ZNF746: variants seen among roughly 807,000 people sequenced by gnomAD.
The protein encoded by ZNF746 is parkin-interacting substrate.
In ZNF746, 13 loss-of-function variants were observed where a neutral mutation model predicts 41.0. That is an observed-to-expected ratio of 0.32 (90% CI 0.21 to 0.50). ZNF746 has a LOEUF of 0.50. ZNF746 is among the 20% of genes least tolerant of loss of function. The pLI is 0.98. For synonymous variants in ZNF746, 424 were observed against 396.2 expected (o/e 1.07, Z -0.83); for missense variants, 811 against 922.9 (o/e 0.88, Z 1.57).
chr7:149,481,317 T>C (rs1329009209), intron 4 of ZNF746, among the ~76,000 whole-genome samples: 2 of 152,264 alleles, frequency 1.3e-5, no homozygotes, highest in Admixed American at 6.5e-5. Flanking sequence ...CTTGTATAAA[T>C]TGGTGTAGTA....
chr7:149,496,004 T>G (rs1308422500), intron 1 of ZNF746, among the ~76,000 whole-genome samples: 4 of 152,122 alleles, frequency 2.6e-5, no homozygotes, highest in African/African-American at 9.7e-5. Context: ...CTAAGGCCAC[T>G]GTTCCTTCCC....
chr7:149,474,833 CGCCGCCGCCACT>C lies in ZNF746; in HGVS notation c.1522_1533del (p.Ser508_Gly511del), dbSNP rs747780885. ...GCGCTGCCCCCACCGCTGCCGCCAC[CGCCGCCGCCACT>C]GCCGCTGCCGCCACCGCCTGTGCCC... On this transcript the variant is annotated inframe_deletion, in exon 7 of 7. Transcript: ENST00000458143. This position sits in a 1 kb window ranked among gnomAD's most constrained non-coding sequence, Gnocchi z 6.3. 992 of 1,409,200 alleles carry C rather than the reference CGCCGCCGCCACT, an allele frequency of 7.0e-4. 1 individual carries two copies. Among genetic ancestry groups the C allele is most frequent in the Non-Finnish European group, 8.4e-4 (913 of 1,087,564 alleles). 87.3% of individuals were successfully genotyped at this position (1,409,200 alleles called of 1,614,324 possible).
At chr7:149,492,024 G>C in intron 4 of ZNF746, 1 of 702,196 alleles carries the variant, frequency 1.4e-6, no homozygotes, top group Non-Finnish European at 2.6e-6. Context: ...GACCAATGTA[G>C]ACCAAAGTAG....
At position 149,497,215 on chromosome 7, in the gene ZNF746, A is replaced by C; in HGVS notation, c.24+298T>G. The C allele has an allele frequency of 8.1e-6, 8 of 983,364 alleles. No individual in the cohort carries two copies. Among genetic ancestry groups the C allele is most frequent in the Non-Finnish European group, 9.7e-6 (8 of 828,382 alleles). The allele number at this position is 983,364 out of a possible 1,614,324, so 60.9% of individuals were successfully genotyped here. On this transcript the variant is annotated intron_variant, in intron 1 of 6. Transcript: ENST00000458143. This position sits in a 1 kb window ranked among gnomAD's most constrained non-coding sequence, Gnocchi z 4.2. ...CGCGGGTGGGGGGGCACCCAGAAGG[A>C]GGGGACAGCGGCTGGGGCGGGGGCA...
At position 149,497,674 on chromosome 7, in the gene ZNF746, C is replaced by A; in HGVS notation, c.-138G>T. 2 of 624,080 alleles carry A rather than the reference C, an allele frequency of 3.2e-6. No individual in the cohort carries two copies. Among genetic ancestry groups the A allele is most frequent in the South Asian group, 1.3e-4 (2 of 14,898 alleles). The allele number at this position is 624,080 out of a possible 1,614,324, so 38.7% of individuals were successfully genotyped here. On this transcript the variant is annotated 5_prime_UTR_variant, in exon 1 of 7. Coordinates refer to ENST00000458143, the MANE Select transcript of ZNF746 (RefSeq NM_001394198.1). The surrounding 1 kb of genome is among the most constrained non-coding windows in gnomAD (Gnocchi z 4.2). ...TTCCTCTGCCGCCGCTCCTCGCTGGCTGCCCCTGCGCCGCGCCGCCCGCAG... is the reference window on the plus strand; with the variant it reads ...TTCCTCTGCCGCCGCTCCTCGCTGGATGCCCCTGCGCCGCGCCGCCCGCAG...
In ZNF746 at chr7:149,497,210, G is replaced by A. The variant is rs1801032895; in HGVS notation, c.24+303C>T. ...GGAGCCGCGGGTGGGGGGGCACCCA[G>A]AAGGAGGGGACAGCGGCTGGGGCGG... On this transcript the variant is annotated intron_variant, in intron 1 of 6. Transcript: ENST00000458143. This position sits in a 1 kb window ranked among gnomAD's most constrained non-coding sequence, Gnocchi z 4.2. 6 of 984,302 alleles carry A rather than the reference G, an allele frequency of 6.1e-6. No homozygotes were observed. The highest frequency in any genetic ancestry group is 7.2e-6 in the Non-Finnish European group (6 of 829,054). 61.0% of individuals were successfully genotyped at this position (984,302 alleles called of 1,614,324 possible). A position where few individuals can be genotyped will look rare whatever the true frequency, so the allele number is the denominator to read the frequency against.
chr7:149,489,476 G>C (rs756734627), intron 4 of ZNF746: 2 of 152,236 alleles, frequency 1.3e-5, no homozygotes, highest in East Asian at 3.9e-4. Flanking sequence ...GTCTAACACG[G>C]AAGACCCAAA....
Position 149,475,038 on chromosome 7 carries a change from G to A in ZNF746, c.1329C>T (p.Tyr443=). The A allele has an allele frequency of 1.9e-6, 3 of 1,567,048 alleles. No individual in the cohort carries two copies. Among genetic ancestry groups the A allele is most frequent in the Non-Finnish European group, 2.6e-6 (3 of 1,156,136 alleles). ...APRPFNEPCK[Y]PGRTKGFGHK... Reference sequence around the variant, plus strand: ...GGCCAAAGCCTTTGGTCCGGCCAGGGTATTTACAGGGTTCGTTGAATGGCC... The same window carrying A: ...GGCCAAAGCCTTTGGTCCGGCCAGGATATTTACAGGGTTCGTTGAATGGCC... Residue 443 remains tyrosine, a synonymous_variant, in exon 7 of 7, where the codon TAC becomes TAT. Coordinates refer to ENST00000458143, the MANE Select transcript of ZNF746 (RefSeq NM_001394198.1).
intron 6 of ZNF746, among the ~76,000 whole-genome samples, chr7:149,475,954 A>T (rs1322386530): frequency 6.6e-6 from 1 of 152,216 alleles, no homozygotes; most frequent in Non-Finnish European, 1.5e-5. Context: ...CACCTTAGTG[A>T]GCTATTTGAC....
Position 149,497,407 on chromosome 7 carries a change from G to A in ZNF746, c.24+106C>T, listed in dbSNP as rs886202921. On this transcript the variant is annotated intron_variant, in intron 1 of 6. Transcript: ENST00000458143. This position sits in a 1 kb window ranked among gnomAD's most constrained non-coding sequence, Gnocchi z 4.2. ...CGGGAGCCCCAGGCCCGGTGGTCCG[G>A]CCCGGACCCCGGAACCCCTCCCCAG... 1.5e-3 allele frequency: 1,513 copies of A among 1,016,126 alleles called. 2 individuals carry two copies. The highest frequency in any genetic ancestry group is 1.7e-3 in the Non-Finnish European group (1,456 of 846,388). 62.9% of individuals were successfully genotyped at this position (1,016,126 alleles called of 1,614,324 possible).
At chr7:149,490,482 GGTGT>G (rs1480275768) in intron 4 of ZNF746, 1 of 152,534 alleles carries the variant, frequency 6.6e-6, no homozygotes, top group Non-Finnish European at 1.5e-5. Context: ...GAGTGCTGAG[GGTGT>G]GTGTAAGGGG....
At chr7:149,491,525 C>T (rs566457114) in intron 4 of ZNF746, 17 of 272,606 alleles carry the variant, frequency 6.2e-5, no homozygotes, top group African/African-American at 3.4e-4. Flanking sequence ...GTGTTCAGCA[C>T]TGTCCTTGAC....
intron 4 of ZNF746, 99 bp downstream of exon 4, chr7:149,492,759 CT>C: frequency 1.2e-6 from 1 of 843,586 alleles, no homozygotes. Flanking sequence ...TTTCATGTTT[CT>C]CCTCGACTCT....
intron 4 of ZNF746, 158 bp from the exon 5 acceptor site, chr7:149,477,913 T>C: frequency 3.5e-6 from 2 of 576,618 alleles, no homozygotes; most frequent in Non-Finnish European, 5.9e-6. Flanking sequence ...GATGGGAGCC[T>C]AGGGCAGAGC....
Position 149,474,977 on chromosome 7 carries a change from G to C in ZNF746, c.1390C>G (p.Pro464Ala), listed in dbSNP as rs754808463. ...PGLKKHPAAP[P>A]GGRPFTCATC... ...GCGCAGGTGAAGGGCCGGCCCCCGG[G>C]GGGCGCCGCGGGGTGCTTCTTCAGC... is the stretch of plus-strand genomic sequence containing the variant. Residue 464 changes from proline to alanine, a missense_variant, in exon 7 of 7, where the codon CCC becomes GCC. Pro to Ala is a conservative substitution (Grantham distance 27, BLOSUM62 -1). Around this residue, in one of 4 missense-constraint regions of ZNF746, gnomAD observed 495 missense variants for 481.6 expected, o/e 1.03. Transcript: ENST00000458143. The surrounding 1 kb of genome is among the most constrained non-coding windows in gnomAD (Gnocchi z 6.3). 3.9e-6 allele frequency: 6 copies of C among 1,547,782 alleles called. No individual in the cohort carries two copies. The highest frequency in any genetic ancestry group is 5.2e-6 in the Non-Finnish European group (6 of 1,146,346).
chr7:149,497,234 G>T lies in ZNF746; in HGVS notation c.24+279C>A. 4 of 981,452 alleles carry T rather than the reference G, an allele frequency of 4.1e-6. No homozygotes were observed. Among genetic ancestry groups the T allele is most frequent in the Non-Finnish European group, 4.8e-6 (4 of 826,282 alleles). 60.8% of individuals were successfully genotyped at this position (981,452 alleles called of 1,614,324 possible). A position where few individuals can be genotyped will look rare whatever the true frequency, so the allele number is the denominator to read the frequency against. Reference sequence around the variant, plus strand: ...AGAAGGAGGGGACAGCGGCTGGGGCGGGGGCAGGAAGCCCCGGAGGGCCCA... The same window carrying T: ...AGAAGGAGGGGACAGCGGCTGGGGCTGGGGCAGGAAGCCCCGGAGGGCCCA... On this transcript the variant is annotated intron_variant, in intron 1 of 6. Transcript: ENST00000458143. The surrounding 1 kb of genome is among the most constrained non-coding windows in gnomAD (Gnocchi z 4.2).
In ZNF746 at chr7:149,494,084, T is replaced by C. The variant is rs770831278; in HGVS notation, c.356A>G (p.Tyr119Cys). ...VPVTFDDVAVYFSEQEWGKLE... is the reference protein window; with the variant it reads ...VPVTFDDVAVCFSEQEWGKLE... ...CTTGCCCCACTCCTGCTCGGAGAAA[T>C]ACACGGCCACATCATCAAAGGTCAC... Residue 119 changes from tyrosine to cysteine, a missense_variant, in exon 3 of 7, where the codon TAT becomes TGT. Around this residue, in one of 4 missense-constraint regions of ZNF746, gnomAD observed 147 missense variants for 233.4 expected, o/e 0.63. Coordinates refer to ENST00000458143, the MANE Select transcript of ZNF746 (RefSeq NM_001394198.1). The surrounding 1 kb of genome is among the most constrained non-coding windows in gnomAD (Gnocchi z 5.6). 2.6e-5 allele frequency: 42 copies of C among 1,614,066 alleles called. No homozygotes were observed. The Middle Eastern group carries it at 1.8e-3, about 70-fold the overall frequency.
At chr7:149,495,439 C>T (rs925364942) in intron 1 of ZNF746, among the ~76,000 whole-genome samples, 2 of 152,144 alleles carry the variant, frequency 1.3e-5, no homozygotes, top group African/African-American at 4.8e-5. Flanking sequence ...TGGAAATGTT[C>T]ACATGGCGTA....
In ZNF746 at chr7:149,474,108, G is replaced by T. The variant is rs934044877; in HGVS notation, c.*276C>A. 4 of 479,632 alleles carry T rather than the reference G, an allele frequency of 8.3e-6. No individual in the cohort carries two copies. Among genetic ancestry groups the T allele is most frequent in the Non-Finnish European group, 1.5e-5 (4 of 267,496 alleles). The allele number at this position is 479,632 out of a possible 1,614,324, so 29.7% of individuals were successfully genotyped here. ...TACTATTTTCCAGCTTTTTCCTCAA[G>T]AATTAAAAAAAAACAAAAAACAAAA... On this transcript the variant is annotated 3_prime_UTR_variant, in exon 7 of 7. Transcript: ENST00000458143. The surrounding 1 kb of genome is among the most constrained non-coding windows in gnomAD (Gnocchi z 6.3).
Sources: allele counts gnomAD v4.1 joint callset (sites outside exome capture counted in the v4.1 genomes callset), GRCh38; gene constraint gnomAD v4.1.1; regional missense constraint gnomAD v4.1.1; non-coding constraint Gnocchi (gnomAD v3.1); transcripts MANE v1.5; gene names NCBI Gene and HGNC (gene_info 2026-07-23, HGNC 2026-07-21).